Variants in RMDN1 observed in about 807,000 individuals in gnomAD.
RMDN1 encodes the protein regulator of microtubule dynamics 1.
Under a neutral mutation model 48.9 loss-of-function variants are expected in RMDN1, and 48 were observed. The ratio of observed to expected loss-of-function variants is 0.98; its 90% CI spans 0.78 to 1.25. RMDN1 has a LOEUF of 1.25. Ranked by LOEUF, RMDN1 falls within the 50% of genes most tolerant of loss-of-function variation. RMDN1 has a pLI of 0.00. For synonymous variants in RMDN1, 148 were observed against 132.6 expected (o/e 1.12, Z -0.80); for missense variants, 418 against 373.4 (o/e 1.12, Z -0.98).
chr8:86,491,761 G>T (rs1816542318), intron 2 of RMDN1, among the ~76,000 whole-genome samples: 1 of 152,068 alleles, frequency 6.6e-6, no homozygotes, highest in South Asian at 2.1e-4. Context: ...ATTTTTTAAA[G>T]AAATGCCAAT....
chr8:86,500,456 A>G (rs534774927), intron 2 of RMDN1, among the ~76,000 whole-genome samples: 33 of 152,182 alleles, frequency 2.2e-4, no homozygotes, highest in African/African-American at 6.0e-4. Context: ...ACAGAAATGC[A>G]AATCAAAACC....
intron 2 of RMDN1, among the ~76,000 whole-genome samples, chr8:86,502,250 T>A (rs868635850): frequency 2.0e-5 from 3 of 152,202 alleles, no homozygotes; most frequent in Non-Finnish European, 4.4e-5. Flanking sequence ...CAAGTCTTTT[T>A]TTTTGAGACA....
At chr8:86,504,932 G>A (rs1819056823) in intron 2 of RMDN1, 1 of 1,231,326 alleles carries the variant, frequency 8.1e-7, no homozygotes, top group African/African-American at 1.5e-5. Context: ...AAGTCCCTGA[G>A]ACCCATGGCA....
chr8:86,510,322 T>G (rs756094922), upstream of RMDN1, among the ~76,000 whole-genome samples: 16 of 152,354 alleles, frequency 1.1e-4, no homozygotes, highest in Admixed American at 2.0e-4. Context: ...TATTATTTAA[T>G]ATACAAATTT....
intron 7 of RMDN1, 21 bp downstream of exon 7, chr8:86,478,898 AACTT>A (rs777830408): frequency 1.3e-6 from 2 of 1,563,278 alleles, no homozygotes; most frequent in Non-Finnish European, 8.8e-7. Flanking sequence ...AATCCGTACT[AACTT>A]AACAAAGGAC....
chr8:86,514,264 C>T, exon 1 of RMDN1: 1 of 985,352 alleles, frequency 1.0e-6, no homozygotes, highest in Non-Finnish European at 1.2e-6. Flanking sequence ...TTTGCCTTTT[C>T]AGTAAGCGAC....
At chr8:86,487,062 A>G (rs1289179421) in intron 3 of RMDN1, among the ~76,000 whole-genome samples, 1 of 152,222 alleles carries the variant, frequency 6.6e-6, no homozygotes, top group African/African-American at 2.4e-5. Flanking sequence ...AAAAATACAA[A>G]ACTGCTGAAT....
rs1430362067 is a variant in RMDN1 at position 86,504,077 on chromosome 8, T to C, written c.247+2918A>G. The stretch of plus-strand genomic sequence containing the variant: ...CAGCTGGGCATCATTGTCAGAATTC[T>C]GGTGGCCCAGATCTTTGGTCTGGAA... On this transcript the variant is annotated intron_variant, in intron 2 of 9. Transcript: ENST00000406452. The C allele has an allele frequency of 4.3e-6, 4 of 932,862 alleles. No homozygotes were observed. In the African/African-American group the frequency reaches 6.5e-5, roughly 15 times the overall value. 57.8% of individuals were successfully genotyped at this position (932,862 alleles called of 1,614,324 possible). A position where few individuals can be genotyped will look rare whatever the true frequency, so the allele number is the denominator to read the frequency against.
chr8:86,474,480 TA>T (rs761742190), intron 9 of RMDN1, 122 bp from the exon 10 acceptor site: 6 of 797,084 alleles, frequency 7.5e-6, no homozygotes, highest in African/African-American at 1.7e-5. Context: ...ATTATAACAA[TA>T]AAATGTCTTG....
At chr8:86,513,253 A>C (rs1250515957), upstream of RMDN1, among the ~76,000 whole-genome samples, 11 of 152,148 alleles carry the variant, frequency 7.2e-5, no homozygotes, top group Admixed American at 7.2e-4. Flanking sequence ...ACATGCCTGT[A>C]ATCCCAAGCT....
intron 8 of RMDN1, 28 bp from the exon 9 acceptor site, chr8:86,474,981 CAG>C (rs1277187945): frequency 6.4e-7 from 1 of 1,559,588 alleles, no homozygotes; most frequent in Non-Finnish European, 8.6e-7. Flanking sequence ...AAAATGATCT[CAG>C]AGGAAACAGT....
downstream of RMDN1, chr8:86,472,257 G>A (rs1246918560): frequency 2.5e-5 from 15 of 593,956 alleles, no homozygotes; most frequent in East Asian, 5.6e-5. Flanking sequence ...CCTGAAATTC[G>A]TGCTCCATAA....
intron 2 of RMDN1, among the ~76,000 whole-genome samples, chr8:86,498,922 A>G (rs1012977904): frequency 2.0e-5 from 3 of 152,254 alleles, no homozygotes; most frequent in African/African-American, 4.8e-5. Context: ...ATGCAGATCA[A>G]TAAATGGGAT....
chr8:86,471,796 G>A (rs538697562), downstream of RMDN1, among the ~76,000 whole-genome samples: 22 of 152,292 alleles, frequency 1.4e-4, no homozygotes, highest in East Asian at 3.9e-4. Flanking sequence ...TTGGAACAGC[G>A]GTTCTCAAAG....
chr8:86,483,296 T>A (rs1394296001), intron 5 of RMDN1, among the ~76,000 whole-genome samples: 1 of 152,200 alleles, frequency 6.6e-6, no homozygotes, highest in East Asian at 1.9e-4. Context: ...TTTAAAAAAA[T>A]GGAAAGTATA....
At chr8:86,477,241 C>T (rs1048602667) in intron 8 of RMDN1, 53 bp downstream of exon 8, 1 of 1,259,280 alleles carries the variant, frequency 7.9e-7, no homozygotes, top group African/African-American at 1.5e-5. Context: ...AGTATATATT[C>T]AGCATTCATA....
At chr8:86,498,258 TAA>T (rs141809264) in intron 2 of RMDN1, among the ~76,000 whole-genome samples, 1 of 144,960 alleles carries the variant, frequency 6.9e-6, no homozygotes, top group African/African-American at 2.5e-5. Flanking sequence ...GAATCAGTAG[TAA>T]AAAAAAAAAA....
At chr8:86,514,123 G>T in intron 1 of RMDN1, 2 of 352,890 alleles carry the variant, frequency 5.7e-6, no homozygotes, top group Non-Finnish European at 7.9e-6. Flanking sequence ...CAAAATGTTT[G>T]GATTACAGGT....
chr8:86,477,964 G>A (rs1813668860), intron 7 of RMDN1: 1 of 150,486 alleles, frequency 6.6e-6, no homozygotes, highest in African/African-American at 2.4e-5. Context: ...ACTGTTTATT[G>A]CAGCCTTGAC....
Sources: gnomAD v4.1 joint callset for allele counts (sites outside exome capture counted in the v4.1 genomes callset) on GRCh38, gnomAD v4.1.1 for gene constraint, MANE v1.5 for transcripts, NCBI Gene and HGNC (gene_info 2026-07-23, HGNC 2026-07-21) for gene names.